The following ACACA variants were observed in gnomAD, a reference collection of about 807,000 sequenced individuals.
The protein encoded by ACACA is acetyl-CoA carboxylase alpha.
ACACA carries 103 observed loss-of-function variants against 296.1 expected under a neutral mutation model. The ratio of observed to expected loss-of-function variants is 0.35; its 90% CI spans 0.30 to 0.41. The LOEUF (loss-of-function observed/expected upper bound fraction) is 0.41, where lower values mean the gene tolerates loss of function less well. ACACA is among the 10% of genes least tolerant of loss of function. The pLI is 1.00. For synonymous variants in ACACA, 953 were observed against 1,038.6 expected (o/e 0.92, Z 1.58); for missense variants, 1,554 against 2,989.7 (o/e 0.52, Z 11.20).
intron 3 of ACACA, among the ~76,000 whole-genome samples, chr17:37,291,048 C>T (rs556331530): frequency 6.9e-6 from 1 of 144,620 alleles, no homozygotes; most frequent in Non-Finnish European, 1.5e-5. Context: ...CGCCACTACA[C>T]TCCAGCCTGG....
chr17:37,162,109 G>A, intron 41 of ACACA, 59 bp from the exon 42 acceptor site: 1 of 1,591,000 alleles, frequency 6.3e-7, no homozygotes, highest in Non-Finnish European at 8.6e-7. Flanking sequence ...ATTTTTTTCA[G>A]GTTCATTGAA....
At chr17:37,259,585 C>T (rs1236909191) in intron 11 of ACACA, 55 bp from the exon 12 acceptor site, 1 of 1,593,056 alleles carries the variant, frequency 6.3e-7, no homozygotes, top group East Asian at 2.2e-5. Context: ...AACTGCTAGA[C>T]CACTACAGCC....
intron 3 of ACACA, among the ~76,000 whole-genome samples, chr17:37,292,848 A>C (rs1479571069): frequency 6.6e-6 from 1 of 152,216 alleles, no homozygotes; most frequent in Non-Finnish European, 1.5e-5. Flanking sequence ...TAGGCAACAG[A>C]GCAAGACTTA....
At chr17:37,180,534 G>A (rs1353989862) in intron 40 of ACACA, among the ~76,000 whole-genome samples, 1 of 151,968 alleles carries the variant, frequency 6.6e-6, no homozygotes, top group African/African-American at 2.4e-5. Context: ...ATTCTTTACT[G>A]GTTGCATTTT....
intron 45 of ACACA, among the ~76,000 whole-genome samples, chr17:37,130,582 T>C (rs1292245536): frequency 6.6e-6 from 1 of 150,904 alleles, no homozygotes; most frequent in East Asian, 1.9e-4. Context: ...AAAAATAAAA[T>C]AAAAAATTAA....
intron 39 of ACACA, 39 bp downstream of exon 39, chr17:37,188,238 C>A (rs1198790748): frequency 2.5e-6 from 4 of 1,596,922 alleles, no homozygotes; most frequent in Non-Finnish European, 2.6e-6. Context: ...ATCTGTAGGA[C>A]CAAATCAAAA....
In ACACA at chr17:37,097,848, C is replaced by T; in HGVS notation, c.6702G>A (p.Gln2234=). 1 of 1,614,202 alleles carries T rather than the reference C, an allele frequency of 6.2e-7. No homozygotes were observed. The highest frequency in any genetic ancestry group is 1.7e-5 in the Admixed American group (1 of 60,032). Residue 2234 remains glutamine (Q), a synonymous_variant, in exon 53 of 56, where the codon CAG becomes CAA. Transcript: ENST00000616317. The surrounding 1 kb of genome is among the most constrained non-coding windows in gnomAD (Gnocchi z 4.8). The part of the protein sequence containing the change: ...ADLHDTPGRM[Q]EKGVISDILD... ...TACTTACGCTAATAACACCCTTCTC[C>T]TGCATCCGGCCTGGTGTGTCGTGCA...
chr17:37,117,892 A>T (rs2074334588), intron 50 of ACACA, among the ~76,000 whole-genome samples: 1 of 151,942 alleles, frequency 6.6e-6, no homozygotes, highest in Admixed American at 6.6e-5. Context: ...TTTTACCCAC[A>T]GTGCAGTCGG....
intron 1 of ACACA, among the ~76,000 whole-genome samples, chr17:37,347,899 C>T (rs1380393405): frequency 2.6e-5 from 4 of 151,998 alleles, no homozygotes; most frequent in African/African-American, 4.8e-5. Context: ...GGGCCAGGTG[C>T]GGTGGCTCAT....
chr17:37,284,708 A>G, intron 4 of ACACA, 130 bp downstream of exon 4: 1 of 1,239,430 alleles, frequency 8.1e-7, no homozygotes, highest in Non-Finnish European at 1.2e-6. Context: ...CAGAAAGGCT[A>G]AAATTCACAT....
rs2142386257 is a variant in ACACA at position 37,085,200 on chromosome 17, G to A, written c.*2116C>T. On this transcript the variant is annotated 3_prime_UTR_variant, in exon 56 of 56. Coordinates refer to ENST00000616317, the MANE Select transcript of ACACA (RefSeq NM_198834.3). ...TCCTCCTGCCTTAGTAGCCTTGCAT[G>A]TTTGAGGGGCTGTGGGAATGTCAGA... 1 of 162,060 alleles carries A rather than the reference G, an allele frequency of 6.2e-6. No homozygotes were observed. Among genetic ancestry groups the A allele is most frequent in the East Asian group, 1.8e-4 (1 of 5,622 alleles). The allele number at this position is 162,060 out of a possible 1,614,324, so 10.0% of individuals were successfully genotyped here. A position where few individuals can be genotyped will look rare whatever the true frequency, so the allele number is the denominator to read the frequency against.
chr17:37,325,556 T>G (rs998440179), intron 3 of ACACA, among the ~76,000 whole-genome samples: 1 of 149,726 alleles, frequency 6.7e-6, no homozygotes, highest in Non-Finnish European at 1.5e-5. Flanking sequence ...ACTTTTTACT[T>G]AGGGTCTTAT....
chr17:37,114,159 G>A (rs1355628931), intron 50 of ACACA, among the ~76,000 whole-genome samples: 2 of 151,642 alleles, frequency 1.3e-5, no homozygotes, highest in African/African-American at 4.8e-5. Context: ...CTCTAGCCTG[G>A]GTGACAGAAC....
intron 2 of ACACA, among the ~76,000 whole-genome samples, chr17:37,332,607 CAAA>C (rs35940399): frequency 3.1e-5 from 2 of 63,846 alleles, no homozygotes; most frequent in Admixed American, 1.5e-4. Flanking sequence ...CCCATCTGTA[CAAA>C]AAAAAAAAAA....
chr17:37,115,257 A>G (rs938939276), intron 50 of ACACA, among the ~76,000 whole-genome samples: 2 of 152,258 alleles, frequency 1.3e-5, no homozygotes, highest in Non-Finnish European at 2.9e-5. Context: ...TGTAGTTATG[A>G]AAATAATTGC....
chr17:37,243,618 GAT>G, intron 21 of ACACA, 59 bp from the exon 22 acceptor site: 1 of 1,556,672 alleles, frequency 6.4e-7, no homozygotes, highest in African/African-American at 1.4e-5. Flanking sequence ...CAAATAAAAA[GAT>G]ATATAGTTGT....
At chr17:37,138,851 G>C (rs1285703182) in intron 45 of ACACA, among the ~76,000 whole-genome samples, 4 of 152,204 alleles carry the variant, frequency 2.6e-5, no homozygotes, top group African/African-American at 9.7e-5. Context: ...TTTTTCTTCT[G>C]GTGAGTAATG....
At position 37,111,569 on chromosome 17, in the gene ACACA, C is replaced by T. The variant is rs2073973607; in HGVS notation, c.6527G>A (p.Arg2176Gln). The part of the protein sequence containing the change: ...RRKDLVKTMR[R>Q]VDPVYIHLAE... ...CAAGTGGATGTAGACTGGGTCCACC[C>T]GACGCATGGTTTTCACCAGATCCTT... Residue 2176 changes from arginine to glutamine, a missense_variant, in exon 52 of 56, where the codon CGG becomes CAG. Around this residue, in one of 16 missense-constraint regions of ACACA, gnomAD observed 553 missense variants for 1,043.6 expected, o/e 0.53. Coordinates refer to ENST00000616317, the MANE Select transcript of ACACA (RefSeq NM_198834.3). 1 of 1,614,158 alleles carries T rather than the reference C, an allele frequency of 6.2e-7. No homozygotes were observed. The highest frequency in any genetic ancestry group is 8.5e-7 in the Non-Finnish European group (1 of 1,180,018).
intron 33 of ACACA, among the ~76,000 whole-genome samples, chr17:37,202,924 T>G (rs960637297): frequency 2.6e-5 from 4 of 151,484 alleles, no homozygotes; most frequent in Non-Finnish European, 5.9e-5. Flanking sequence ...TATTTCTCAT[T>G]AATGTTACAA....
Sources: gnomAD v4.1 joint callset for allele counts (sites outside exome capture counted in the v4.1 genomes callset) on GRCh38, gnomAD v4.1.1 for gene constraint, gnomAD v4.1.1 regional missense constraint, Gnocchi (gnomAD v3.1) non-coding constraint, MANE v1.5 for transcripts, NCBI Gene and HGNC (gene_info 2026-07-23, HGNC 2026-07-21) for gene names.